Variants in MACROD1 observed in about 807,000 individuals in gnomAD.
The protein encoded by MACROD1 is mono-ADP ribosylhydrolase 1, also known as ADP-ribose glycohydrolase MACROD1.
In MACROD1, 31 loss-of-function variants were observed where a neutral mutation model predicts 41.4. The observed-to-expected ratio is 0.75, with a 90% CI of 0.56 to 1.01. The LOEUF (loss-of-function observed/expected upper bound fraction) is 1.01, where lower values mean the gene tolerates loss of function less well. Among genes scored for constraint, MACROD1 ranks in the 50% least tolerant of loss-of-function variants. The probability of loss-of-function intolerance (pLI) is 0.00; values close to 1 mark genes in which losing one functional copy is unlikely to be tolerated. For missense variants in MACROD1, 473 were observed against 460.0 expected (o/e 1.03, Z -0.26); for synonymous variants, 252 against 203.4 (o/e 1.24, Z -2.03).
Position 63,998,662 on chromosome 11 carries a change from C to A in MACROD1, c.*56G>T. ...TGCAGGCTTTGGCGACCTCTCAGAG[C>A]TGGGAGCGGGGTCCCGAAGGCGGGT... On this transcript the variant is annotated 3_prime_UTR_variant, in exon 11 of 11. Coordinates refer to ENST00000255681, the MANE Select transcript of MACROD1 (RefSeq NM_014067.4). 1 of 1,333,412 alleles carries A rather than the reference C, an allele frequency of 7.5e-7. No individual in the cohort carries two copies. The highest frequency in any genetic ancestry group is 9.6e-7 in the Non-Finnish European group (1 of 1,045,466). 82.6% of individuals were successfully genotyped at this position (1,333,412 alleles called of 1,614,324 possible). A position where few individuals can be genotyped will look rare whatever the true frequency, so the allele number is the denominator to read the frequency against.
intron 4 of MACROD1, among the ~76,000 whole-genome samples, chr11:64,004,787 T>G (rs1018632475): frequency 6.6e-6 from 1 of 152,218 alleles, no homozygotes; most frequent in East Asian, 1.9e-4. Context: ...GGGTGACTCA[T>G]GCCTGTAATC....
At chr11:64,051,737 G>A (rs1337559195) in intron 3 of MACROD1, among the ~76,000 whole-genome samples, 1 of 152,190 alleles carries the variant, frequency 6.6e-6, no homozygotes, top group Non-Finnish European at 1.5e-5. Flanking sequence ...GGTTTGGCCA[G>A]ATAGCCCTGC....
At chr11:64,105,610 C>CGTGACCCCACAGGCATGA (rs926567240) in intron 3 of MACROD1, among the ~76,000 whole-genome samples, 4 of 152,252 alleles carry the variant, frequency 2.6e-5, no homozygotes, top group East Asian at 3.9e-4. Flanking sequence ...TGCTAAGAGG[C>CGTGACCCCACAGGCATGA]GTGACCCCAC....
At chr11:64,037,314 C>A (rs1301057983) in intron 3 of MACROD1, among the ~76,000 whole-genome samples, 1 of 152,034 alleles carries the variant, frequency 6.6e-6, no homozygotes, top group African/African-American at 2.4e-5. Flanking sequence ...GGCTGAGGCA[C>A]CCTGTCTCTG....
intron 3 of MACROD1, among the ~76,000 whole-genome samples, chr11:64,150,654 G>A (rs1945561657): frequency 6.6e-6 from 1 of 152,220 alleles, no homozygotes; most frequent in Non-Finnish European, 1.5e-5. Flanking sequence ...ACAACCACTA[G>A]CTGTGTGGAG....
At chr11:64,056,008 T>C (rs928963087) in intron 3 of MACROD1, among the ~76,000 whole-genome samples, 2 of 152,158 alleles carry the variant, frequency 1.3e-5, no homozygotes, top group African/African-American at 4.8e-5. Flanking sequence ...GCCTCAGGCC[T>C]CCTGTCCACA....
chr11:64,073,817 G>A (rs77446680), intron 3 of MACROD1, among the ~76,000 whole-genome samples: 60 of 152,314 alleles, frequency 3.9e-4, no homozygotes, highest in African/African-American at 1.4e-3. Flanking sequence ...CCCTGTGTTG[G>A]GGAGGGGGGC....
In MACROD1 at chr11:64,102,745, C is replaced by T. The variant is rs570792355; in HGVS notation, c.517+48494G>A. Among the ~76,000 whole-genome samples the T allele has an allele frequency of 5.4e-4, 82 of 152,292 alleles. 1 individual carries two copies. The South Asian group carries it at 0.016, about 30-fold the overall frequency. On this transcript the variant is annotated intron_variant, in intron 3 of 10. Transcript: ENST00000255681. ...AGGGAGAATAACCCCAGCCCCTTCC[C>T]CGGCTCATAGGCAAGTGGCATTAAG...
rs1590967299 is a variant in MACROD1, at chr11:64,146,996, T to C, written c.517+4243A>G. Among the ~76,000 whole-genome samples the C allele has an allele frequency of 6.6e-6, 1 of 152,090 alleles. No individual in the cohort carries two copies. The highest frequency in any genetic ancestry group is 2.4e-5 in the African/African-American group (1 of 41,406). ...CCAATCACATCTCATAGCCCAATAA[T>C]GTAAGAGTGGAAACCAGTCCTGAAT... is the stretch of plus-strand genomic sequence containing the variant. On this transcript the variant is annotated intron_variant, in intron 3 of 10. Coordinates refer to ENST00000255681, the MANE Select transcript of MACROD1 (RefSeq NM_014067.4). This position sits in a 1 kb window ranked among gnomAD's most constrained non-coding sequence, Gnocchi z 4.7.
intron 3 of MACROD1, among the ~76,000 whole-genome samples, chr11:64,142,838 G>A (rs561013637): frequency 1.6e-4 from 24 of 152,064 alleles, no homozygotes; most frequent in Admixed American, 1.4e-3. Context: ...AAACTGGGCC[G>A]GGCATGGTGG....
Position 64,036,810 on chromosome 11 carries a change from C to G in MACROD1, c.518-21529G>C, listed in dbSNP as rs1425824451. 2.6e-5 allele frequency among the ~76,000 whole-genome samples: 4 copies of G among 152,170 alleles called. No homozygotes were observed. Among genetic ancestry groups the G allele is most frequent in the Non-Finnish European group, 5.9e-5 (4 of 68,016 alleles). On this transcript the variant is annotated intron_variant, in intron 3 of 10. Coordinates refer to ENST00000255681, the MANE Select transcript of MACROD1 (RefSeq NM_014067.4). This position sits in a 1 kb window ranked among gnomAD's most constrained non-coding sequence, Gnocchi z 5.6. Reference sequence around the variant, plus strand: ...TGGTGCCTGGGCGGGGGGCGGCGGGCACCCCCCATCCCCCAGCTCTCAAGA... The same window carrying G: ...TGGTGCCTGGGCGGGGGGCGGCGGGGACCCCCCATCCCCCAGCTCTCAAGA...
intron 3 of MACROD1, among the ~76,000 whole-genome samples, chr11:64,053,181 G>A (rs1312275754): frequency 6.6e-6 from 1 of 152,182 alleles, no homozygotes; most frequent in African/African-American, 2.4e-5. Flanking sequence ...TGGGCTTGGG[G>A]CCCTGGGGTG....
intron 3 of MACROD1, among the ~76,000 whole-genome samples, chr11:64,030,928 G>C (rs999476999): frequency 3.3e-5 from 5 of 151,928 alleles, no homozygotes; most frequent in African/African-American, 1.2e-4. Flanking sequence ...GGATGTGGGG[G>C]TTAGGGAGGC....
In MACROD1 at chr11:64,163,680, G is replaced by A. The variant is rs527865803; in HGVS notation, c.298+2017C>T. ...CTCCAGCCCTAACCAAGTCCCACCC[G>A]GCCTCAGAGGGAGGGAGACCCTGAG... On this transcript the variant is annotated intron_variant, in intron 1 of 10. Coordinates refer to ENST00000255681, the MANE Select transcript of MACROD1 (RefSeq NM_014067.4). Among the ~76,000 whole-genome samples, 20 of 152,290 alleles carry A rather than the reference G, an allele frequency of 1.3e-4. No homozygotes were observed. The South Asian group carries it at 2.9e-3, about 22-fold the overall frequency.
rs540117181 is a variant in MACROD1 at position 64,165,554 on chromosome 11, G to A, written c.298+143C>T. 4.7e-5 allele frequency: 30 copies of A among 645,054 alleles called. No individual in the cohort carries two copies. The Admixed American group carries it at 1.0e-3, about 22-fold the overall frequency. 40.0% of individuals were successfully genotyped at this position (645,054 alleles called of 1,614,324 possible). On this transcript the variant is annotated intron_variant, in intron 1 of 10. Coordinates refer to ENST00000255681, the MANE Select transcript of MACROD1 (RefSeq NM_014067.4). Reference sequence around the variant, plus strand: ...CGGGGGGGGCTGTCAATGGGGAGGAGGGGTCCGTTCCAGGGCAGATGGGGC... The same window carrying A: ...CGGGGGGGGCTGTCAATGGGGAGGAAGGGTCCGTTCCAGGGCAGATGGGGC...
chr11:64,138,086 G>A (rs2845595), intron 3 of MACROD1, among the ~76,000 whole-genome samples: 145,797 of 152,298 alleles, frequency 0.96, 70,100 homozygotes, highest in Middle Eastern at 1. Context: ...GGGTTTACAG[G>A]TGAGGAAACT....
intron 3 of MACROD1, chr11:64,116,334 G>T (rs754271192): frequency 1.9e-6 from 3 of 1,611,346 alleles, no homozygotes; most frequent in South Asian, 1.1e-5. Context: ...GGCCACCGTT[G>T]TGATGACCAC....
intron 3 of MACROD1, among the ~76,000 whole-genome samples, chr11:64,128,537 C>A (rs1300276491): frequency 6.6e-6 from 1 of 152,080 alleles, no homozygotes; most frequent in East Asian, 1.9e-4. Context: ...TGGGGAAGGC[C>A]TGGCACGCCG....
intron 3 of MACROD1, among the ~76,000 whole-genome samples, chr11:64,051,925 G>T (rs551500413): frequency 6.6e-6 from 1 of 151,810 alleles, no homozygotes; most frequent in Non-Finnish European, 1.5e-5. Context: ...GTAGAGACTG[G>T]ATACTCCAAG....
Sources: gnomAD v4.1 joint callset for allele counts (sites outside exome capture counted in the v4.1 genomes callset) on GRCh38, gnomAD v4.1.1 for gene constraint, Gnocchi (gnomAD v3.1) non-coding constraint, MANE v1.5 for transcripts, NCBI Gene and HGNC (gene_info 2026-07-23, HGNC 2026-07-21) for gene names.